IGDCC3: variants seen among roughly 807,000 people sequenced by gnomAD.
IGDCC3 encodes immunoglobulin superfamily DCC subclass member 3, also known as putative neuronal cell adhesion molecule.
In IGDCC3, 47 loss-of-function variants were observed where a neutral mutation model predicts 72.0. That is an observed-to-expected ratio of 0.65 (90% confidence interval 0.52 to 0.83). The LOEUF (loss-of-function observed/expected upper bound fraction) is 0.83, where lower values mean the gene tolerates loss of function less well. Among genes scored for constraint, IGDCC3 ranks in the 40% least tolerant of loss-of-function variants. The pLI is 0.00. For synonymous variants in IGDCC3, 477 were observed against 472.8 expected (o/e 1.01, Z -0.11); for missense variants, 1,038 against 1,091.3 (o/e 0.95, Z 0.69).
Position 65,328,317 on chromosome 15 carries a change from T to TTTA in IGDCC3, c.*591_*592insTAA, listed in dbSNP as rs34065363. The TTTA allele has an allele frequency of 0.16, 20,929 of 127,868 alleles. 2,189 individuals carry two copies. The highest frequency in any genetic ancestry group is 0.23 in the Non-Finnish European group (13,786 of 59,864). The allele number at this position is 127,868 out of a possible 1,614,324, so 7.9% of individuals were successfully genotyped here. On this transcript the variant is annotated 3_prime_UTR_variant, in exon 14 of 14. Coordinates refer to ENST00000327987, the MANE Select transcript of IGDCC3 (RefSeq NM_004884.4). Reference sequence around the variant, plus strand: ...GTGCTTTTTTTTTTTTTTTTTTTTTTACTCTGGACAACAGTGTGGGAAGGG... The same window carrying TTTA: ...GTGCTTTTTTTTTTTTTTTTTTTTTTTTAACTCTGGACAACAGTGTGGGAAGGG...
chr15:65,364,610 G>A lies in IGDCC3; in HGVS notation c.409+10487C>T, dbSNP rs576048593. On this transcript the variant is annotated intron_variant, in intron 2 of 13. Coordinates refer to ENST00000327987, the MANE Select transcript of IGDCC3 (RefSeq NM_004884.4). ...AGCACGAAAGAAAAACAGAGGGGCCGGGGCAGTGGCTCACACCTGTAATCC... is the reference window on the plus strand; with the variant it reads ...AGCACGAAAGAAAAACAGAGGGGCCAGGGCAGTGGCTCACACCTGTAATCC... Among the ~76,000 whole-genome samples, 3 of 152,274 alleles carry A rather than the reference G, an allele frequency of 2.0e-5. No homozygotes were observed. In the South Asian group the frequency reaches 6.2e-4, roughly 32 times the overall value.
chr15:65,355,668 G>T, intron 2 of IGDCC3: 2 of 112,988 alleles, frequency 1.8e-5, no homozygotes, highest in Middle Eastern at 3.0e-3. Flanking sequence ...CCGCCCCCCC[G>T]CCCCTCCCGC....
chr15:65,353,092 C>G (rs914335724), intron 2 of IGDCC3, among the ~76,000 whole-genome samples: 1 of 152,140 alleles, frequency 6.6e-6, no homozygotes, highest in African/African-American at 2.4e-5. Context: ...TAATGGAAAC[C>G]CTTCTAATTT....
intron 2 of IGDCC3, among the ~76,000 whole-genome samples, chr15:65,336,904 C>A (rs781019579): frequency 1.3e-5 from 2 of 152,178 alleles, no homozygotes; most frequent in Non-Finnish European, 2.9e-5. Context: ...TCATTAAAAT[C>A]CACTTTGCTT....
intron 6 of IGDCC3, 111 bp from the exon 7 acceptor site, chr15:65,332,217 C>T: frequency 7.8e-7 from 1 of 1,287,748 alleles, no homozygotes; most frequent in South Asian, 1.4e-5. Context: ...GAGGTGGGCT[C>T]CAAACACACA....
At position 65,339,738 on chromosome 15, in the gene IGDCC3, A is replaced by C. The variant is rs1037801961; in HGVS notation, c.410-3782T>G. 5.3e-5 allele frequency among the ~76,000 whole-genome samples: 8 copies of C among 152,176 alleles called. No homozygotes were observed. The highest frequency in any genetic ancestry group is 5.2e-4 in the Admixed American group (8 of 15,276). ...ACCAGCTAGTGTATTAGCATTGAGT[A>C]TTTATGTCTGGTGTTGGTGGTATTG... On this transcript the variant is annotated intron_variant, in intron 2 of 13. Transcript: ENST00000327987. The surrounding 1 kb of genome is among the most constrained non-coding windows in gnomAD (Gnocchi z 4.1).
intron 3 of IGDCC3, 46 bp downstream of exon 3, chr15:65,335,766 T>C (rs751767841): frequency 2.5e-6 from 4 of 1,608,284 alleles, no homozygotes; most frequent in Non-Finnish European, 3.4e-6. Context: ...CCAGAGTCAC[T>C]GGCCACCTCT....
In IGDCC3 at chr15:65,331,153, G is replaced by A. The variant is rs536064808; in HGVS notation, c.1458C>T (p.Ser486=). 22 of 1,614,056 alleles carry A rather than the reference G, an allele frequency of 1.4e-5. No homozygotes were observed. The African/African-American group carries it at 2.1e-4, about 16-fold the overall frequency. ...TGTAGGCTGTGGAGGGCTCCAGGTC[G>A]CTGACCAGGTGCTGAAAGGTGCTCT... The part of the protein sequence containing the change: ...VSKSTFQHLV[S]DLEPSTAYSF... Residue 486 remains serine, a synonymous_variant, in exon 9 of 14, where the codon AGC becomes AGT. Transcript: ENST00000327987.
At chr15:65,342,177 G>A (rs1475898201) in intron 2 of IGDCC3, among the ~76,000 whole-genome samples, 15 of 151,692 alleles carry the variant, frequency 9.9e-5, no homozygotes, top group African/African-American at 3.4e-4. Flanking sequence ...ACATGAGGTC[G>A]GGAGTTCAAG....
chr15:65,350,980 T>A (rs2680886), intron 2 of IGDCC3, among the ~76,000 whole-genome samples: 63,733 of 152,090 alleles, frequency 0.42, 13,775 homozygotes, highest in African/African-American at 0.51. Flanking sequence ...TTATAAGAAG[T>A]CATGAGAATG....
intron 2 of IGDCC3, among the ~76,000 whole-genome samples, chr15:65,342,241 C>G (rs1451685856): frequency 6.6e-6 from 1 of 151,886 alleles, no homozygotes; most frequent in African/African-American, 2.4e-5. Context: ...ACAAAATTAG[C>G]CGGGCGTGGT....
chr15:65,375,556 G>C (rs1003541787), intron 1 of IGDCC3, among the ~76,000 whole-genome samples, 154 bp from the exon 2 acceptor site: 2 of 152,210 alleles, frequency 1.3e-5, no homozygotes, highest in African/African-American at 4.8e-5. Flanking sequence ...ATTATATATA[G>C]AACTTTATGC....
At chr15:65,367,393 G>A (rs1265628869) in intron 2 of IGDCC3, among the ~76,000 whole-genome samples, 2 of 151,200 alleles carry the variant, frequency 1.3e-5, no homozygotes, top group East Asian at 1.9e-4. Context: ...GGGGAGAGGG[G>A]GGAGGGATAG....
intron 2 of IGDCC3, among the ~76,000 whole-genome samples, chr15:65,349,187 G>A (rs1421815356): frequency 2.0e-5 from 3 of 152,222 alleles, no homozygotes; most frequent in Non-Finnish European, 4.4e-5. Context: ...TTGATATTGG[G>A]TGCTAAGCAG....
At position 65,335,469 on chromosome 15, in the gene IGDCC3, A is replaced by C. The variant is rs368391373; in HGVS notation, c.555-48T>G. 48 of 1,567,472 alleles carry C rather than the reference A, an allele frequency of 3.1e-5. No individual in the cohort carries two copies. In the African/African-American group the frequency reaches 6.0e-4, roughly 19 times the overall value. On this transcript the variant is annotated intron_variant, in intron 3 of 13. Transcript: ENST00000327987. ...TGGCCACCAGCACAGCCATTGACAT[A>C]ATCAGCCACAAAGACTCTGGGCATC...
intron 2 of IGDCC3, among the ~76,000 whole-genome samples, chr15:65,344,001 G>C (rs961138265): frequency 2.1e-4 from 32 of 152,312 alleles, no homozygotes; most frequent in African/African-American, 7.5e-4. Flanking sequence ...CCTGACTTTG[G>C]CTCTGCTAGG....
chr15:65,372,385 T>C (rs771986983), intron 2 of IGDCC3, among the ~76,000 whole-genome samples: 1 of 152,160 alleles, frequency 6.6e-6, no homozygotes, highest in African/African-American at 2.4e-5. Flanking sequence ...GCATGAATAC[T>C]CTTAGGAGCC....
intron 2 of IGDCC3, 49 bp from the exon 3 acceptor site, chr15:65,336,005 G>A (rs1393374284): frequency 6.3e-7 from 1 of 1,599,138 alleles, no homozygotes; most frequent in Middle Eastern, 1.7e-4. Context: ...AGGGCAGAAG[G>A]TAGGAGAGAA....
At chr15:65,375,770 G>A (rs903157090) in intron 1 of IGDCC3, among the ~76,000 whole-genome samples, 2 of 152,144 alleles carry the variant, frequency 1.3e-5, no homozygotes, top group African/African-American at 4.8e-5. Context: ...CTGCTACTTC[G>A]ATGGTCACCC....
Sources: allele counts gnomAD v4.1 joint callset (sites outside exome capture counted in the v4.1 genomes callset), GRCh38; gene constraint gnomAD v4.1.1; non-coding constraint Gnocchi (gnomAD v3.1); transcripts MANE v1.5; gene names NCBI Gene and HGNC (gene_info 2026-07-23, HGNC 2026-07-21).